Variants in GPCPD1 observed in about 807,000 individuals in gnomAD.
GPCPD1 encodes the protein glycerophosphocholine phosphodiesterase GPCPD1.
Under a neutral mutation model 89.2 loss-of-function variants are expected in GPCPD1, and 29 were observed. The observed-to-expected ratio is 0.33, with a 90% CI of 0.24 to 0.44. GPCPD1 has a LOEUF of 0.44. Ranked by LOEUF, GPCPD1 falls within the 20% of genes least tolerant of loss-of-function variation. The pLI, the probability that GPCPD1 is intolerant of heterozygous loss-of-function variation, is 1.00. For missense variants in GPCPD1, 594 were observed against 808.9 expected, an observed-to-expected ratio of 0.73 and a Z score of 3.22; for synonymous variants, 258 against 266.3, an observed-to-expected ratio of 0.97 and a Z score of 0.30.
In GPCPD1 at chr20:5,546,383, G is replaced by A. The variant is rs1985025921; in HGVS notation, c.*1278C>T. ...TAGATGCAAATAAGCCATCCCTTTA[G>A]GGTAGACACTATATTAAAATTTCTT... On this transcript the variant is annotated 3_prime_UTR_variant, in exon 20 of 20. Transcript: ENST00000379019. The A allele has an allele frequency of 6.6e-6, 1 of 152,178 alleles. No individual in the cohort carries two copies. Among genetic ancestry groups the A allele is most frequent in the Admixed American group, 6.5e-5 (1 of 15,286 alleles). 9.4% of individuals were successfully genotyped at this position (152,178 alleles called of 1,614,324 possible). A position where few individuals can be genotyped will look rare whatever the true frequency, so the allele number is the denominator to read the frequency against.
At chr20:5,604,946 C>T (rs6116865) in intron 1 of GPCPD1, among the ~76,000 whole-genome samples, 15,668 of 151,594 alleles carry the variant, frequency 0.1, 1,439 homozygotes, top group African/African-American at 0.24. Context: ...GAGCAAGACC[C>T]TGTCTCGAAA....
chr20:5,592,070 G>C (rs1257538240), intron 4 of GPCPD1, among the ~76,000 whole-genome samples: 1 of 152,182 alleles, frequency 6.6e-6, no homozygotes, highest in Non-Finnish European at 1.5e-5. Flanking sequence ...GGCTTAATTT[G>C]ACCTGTGTTG....
chr20:5,559,314 G>A (rs942863077), intron 17 of GPCPD1, among the ~76,000 whole-genome samples: 2 of 152,236 alleles, frequency 1.3e-5, no homozygotes, highest in African/African-American at 4.8e-5. Context: ...CAGGTACAGT[G>A]CAGTGGCTCA....
chr20:5,597,509 T>C (rs570758180), intron 3 of GPCPD1, among the ~76,000 whole-genome samples: 2 of 152,324 alleles, frequency 1.3e-5, no homozygotes, highest in South Asian at 2.1e-4. Context: ...ACATCATGGA[T>C]TGATTTTTTT....
intron 19 of GPCPD1, among the ~76,000 whole-genome samples, chr20:5,551,242 C>T (rs549623373): frequency 7.2e-5 from 11 of 152,222 alleles, no homozygotes; most frequent in South Asian, 4.1e-4. Context: ...ACAAACAGTT[C>T]GGAAAGTTAA....
intron 5 of GPCPD1, chr20:5,585,628 C>CAAAAAAAAAAAAAAAA (rs11481998): frequency 8.3e-6 from 1 of 121,034 alleles, no homozygotes. Flanking sequence ...AAAAAAAAGA[C>CAAAAAAAAAAAAAAAA]AAAAAAAAAA....
intron 19 of GPCPD1, among the ~76,000 whole-genome samples, chr20:5,557,394 C>T (rs549571641): frequency 1.1e-4 from 16 of 152,152 alleles, no homozygotes; most frequent in Non-Finnish European, 1.8e-4. Flanking sequence ...TAGTCTGATT[C>T]AGGATATATT....
intron 12 of GPCPD1, among the ~76,000 whole-genome samples, chr20:5,568,130 T>C (rs1216634880): frequency 6.6e-6 from 1 of 151,914 alleles, no homozygotes; most frequent in Non-Finnish European, 1.5e-5. Context: ...TATTAGGTTT[T>C]AATGTCTATC....
rs755913311 is a variant in GPCPD1, at chr20:5,570,141, A to G, written c.1149+6T>C. ...AAGAGTTTGAAATGAAGAAATTTCA[A>G]CGTACCTTTTTCATAGTCAAACAAC... On this transcript the variant is annotated splice_donor_region_variant and intron_variant, in intron 12 of 19. Coordinates refer to ENST00000379019, the MANE Select transcript of GPCPD1 (RefSeq NM_019593.5). The G allele has an allele frequency of 8.6e-6, 12 of 1,389,630 alleles. No individual in the cohort carries two copies. The highest frequency in any genetic ancestry group is 2.0e-6 in the Non-Finnish European group (2 of 986,306). The allele number at this position is 1,389,630 out of a possible 1,614,324, so 86.1% of individuals were successfully genotyped here. A position where few individuals can be genotyped will look rare whatever the true frequency, so the allele number is the denominator to read the frequency against.
intron 10 of GPCPD1, among the ~76,000 whole-genome samples, 185 bp downstream of exon 10, chr20:5,575,228 T>C (rs1303138747): frequency 6.6e-6 from 1 of 152,228 alleles, no homozygotes; most frequent in Non-Finnish European, 1.5e-5. Flanking sequence ...TCCTTATCAA[T>C]TCAGTAGATA....
At chr20:5,587,227 T>C (rs1978986700) in intron 4 of GPCPD1, among the ~76,000 whole-genome samples, 1 of 152,204 alleles carries the variant, frequency 6.6e-6, no homozygotes, top group South Asian at 2.1e-4. Context: ...TTACAAGGTA[T>C]TTTATTTGTT....
intron 5 of GPCPD1, chr20:5,585,255 T>C (rs549406718): frequency 4.6e-5 from 7 of 152,036 alleles, no homozygotes; most frequent in African/African-American, 1.7e-4. Context: ...AAATACACTA[T>C]CAAAAATGTA....
chr20:5,556,559 T>C (rs958081135), intron 19 of GPCPD1, among the ~76,000 whole-genome samples: 19 of 152,176 alleles, frequency 1.2e-4, no homozygotes, highest in Non-Finnish European at 2.1e-4. Flanking sequence ...TGCTTTGCTG[T>C]GGTGGTCTGG....
chr20:5,567,596 A>G, intron 12 of GPCPD1, 36 bp from the exon 13 acceptor site: 1 of 1,517,362 alleles, frequency 6.6e-7, no homozygotes, highest in South Asian at 1.3e-5. Context: ...AGAAAAAGAA[A>G]GAATAAAGAA....
chr20:5,561,338 G>A (rs1324107132), intron 16 of GPCPD1, 127 bp downstream of exon 16: 1 of 537,158 alleles, frequency 1.9e-6, no homozygotes, highest in Non-Finnish European at 3.4e-6. Flanking sequence ...TAAGCATTGT[G>A]CTTGGTGGAG....
At chr20:5,579,919 G>T in intron 7 of GPCPD1, 89 bp downstream of exon 7, 1 of 769,322 alleles carries the variant, frequency 1.3e-6, no homozygotes, top group Non-Finnish European at 2.2e-6. Context: ...ATCCCAAACT[G>T]TACACTTAAA....
intron 2 of GPCPD1, among the ~76,000 whole-genome samples, chr20:5,603,169 T>C (rs1980294782): frequency 6.6e-6 from 1 of 151,936 alleles, no homozygotes; most frequent in Non-Finnish European, 1.5e-5. Flanking sequence ...GATGGACACC[T>C]GTAATCCCAG....
intron 4 of GPCPD1, among the ~76,000 whole-genome samples, chr20:5,587,362 T>A (rs886560266): frequency 9.9e-5 from 15 of 152,148 alleles, no homozygotes; most frequent in Non-Finnish European, 1.8e-4. Flanking sequence ...CTAGGCATTA[T>A]ATTACACATA....
intron 15 of GPCPD1, among the ~76,000 whole-genome samples, chr20:5,563,535 AT>A (rs1194586614): frequency 1.3e-5 from 2 of 151,426 alleles, no homozygotes; most frequent in Admixed American, 1.3e-4. Flanking sequence ...TTGAGACAGG[AT>A]CTCTCTCTGT....
Sources: gnomAD v4.1 joint callset for allele counts (sites outside exome capture counted in the v4.1 genomes callset) on GRCh38, gnomAD v4.1.1 for gene constraint, MANE v1.5 for transcripts, NCBI Gene and HGNC (gene_info 2026-07-23, HGNC 2026-07-21) for gene names.